Variants in BCL2L11 observed in about 807,000 individuals in gnomAD.
The protein encoded by BCL2L11 is BCL2 like 11, also known as bcl-2-like protein 11.
Under a neutral mutation model 20.6 loss-of-function variants are expected in BCL2L11, and 15 were observed. The observed-to-expected ratio is 0.73, with a 90% CI of 0.49 to 1.12. BCL2L11 has a LOEUF of 1.12. Ranked by LOEUF, BCL2L11 falls within the 50% of genes most tolerant of loss-of-function variation. The pLI is 0.00. For missense variants in BCL2L11, 292 were observed against 260.9 expected (o/e 1.12, Z -0.82); for synonymous variants, 108 against 92.8 (o/e 1.16, Z -0.94).
At chr2:111,123,111 CTGA>C (rs1055156282) in intron 1 of BCL2L11, 1 of 980,754 alleles carries the variant, frequency 1.0e-6, no homozygotes. Context: ...GAAGTTCTGT[CTGA>C]TTCGGTGCGG....
In BCL2L11 at chr2:111,123,750, C is replaced by G. The variant is rs756367205; in HGVS notation, c.5C>G (p.Ala2Gly). The G allele has an allele frequency of 7.2e-7, 1 of 1,386,290 alleles. No homozygotes were observed. The highest frequency in any genetic ancestry group is 9.4e-7 in the Non-Finnish European group (1 of 1,063,078). 85.9% of individuals were successfully genotyped at this position (1,386,290 alleles called of 1,614,324 possible). The stretch of plus-strand genomic sequence containing the variant: ...ACTTGCAGAAAAAAAGACCAAATGG[C>G]AAAGCAACCTTCTGATGTAAGTTCT... Reference protein sequence around the residue: MAKQPSDVSSEC... With the variant: MGKQPSDVSSEC... The change falls in exon 2 of 4, where the codon GCA becomes GGA. Residue 2 changes from alanine to glycine, a missense_variant. Physicochemically the swap from Ala to Gly is moderately conservative, Grantham distance 60. Transcript: ENST00000393256.
rs1195836135 is a variant in BCL2L11, at chr2:111,123,833, C to T, written c.88C>T (p.Pro30Ser). Residue 30 changes from proline (P) to serine (S), a missense_variant, in exon 2 of 4, where the codon CCT (proline) becomes TCT (serine). By Grantham distance (74) the Pro-to-Ser change is moderately conservative. Transcript: ENST00000393256. ...TGCGGAGAGGCCTCCCCAGCTCAGACCTGGGGCCCCTACCTCCCTACAGAC... is the reference window on the plus strand; with the variant it reads ...TGCGGAGAGGCCTCCCCAGCTCAGATCTGGGGCCCCTACCTCCCTACAGAC... ...QPAERPPQLRPGAPTSLQTEP... is the reference protein window; with the variant it reads ...QPAERPPQLRSGAPTSLQTEP... 1.3e-6 allele frequency: 2 copies of T among 1,552,974 alleles called. No individual in the cohort carries two copies. Among genetic ancestry groups the T allele is most frequent in the Non-Finnish European group, 1.7e-6 (2 of 1,151,824 alleles).
At chr2:111,143,250 G>T (rs1464448049) in intron 2 of BCL2L11, among the ~76,000 whole-genome samples, 1 of 152,202 alleles carries the variant, frequency 6.6e-6, no homozygotes, top group African/African-American at 2.4e-5. Flanking sequence ...GCAGTATTCA[G>T]TGTCCCGTGT....
rs2078921842 is a variant in BCL2L11, at chr2:111,164,300, G to T, written c.*69G>T. ...GTTCAAACCAACAAGACCCAGCACC[G>T]CGGTCTCCTGGTGCCATTATTATGC... On this transcript the variant is annotated 3_prime_UTR_variant, in exon 4 of 4. Transcript: ENST00000393256. The T allele has an allele frequency of 1.6e-5, 19 of 1,172,148 alleles. No homozygotes were observed. In the South Asian group the frequency reaches 2.2e-4, roughly 14 times the overall value. The allele number at this position is 1,172,148 out of a possible 1,614,324, so 72.6% of individuals were successfully genotyped here. A position where few individuals can be genotyped will look rare whatever the true frequency, so the allele number is the denominator to read the frequency against.
chr2:111,149,969 G>T, intron 2 of BCL2L11, 75 bp from the exon 3 acceptor site: 1 of 1,337,728 alleles, frequency 7.5e-7, no homozygotes. Context: ...CTTGCCTCTA[G>T]AGACTTATCT....
rs767436507 is a variant in BCL2L11, at chr2:111,123,838, G to A, written c.93G>A (p.Gly31=). ...PAERPPQLRP[G]APTSLQTEPQ... The stretch of plus-strand genomic sequence containing the variant: ...AGAGGCCTCCCCAGCTCAGACCTGG[G>A]GCCCCTACCTCCCTACAGACAGAGC... Residue 31 remains glycine, a synonymous_variant, in exon 2 of 4, where the codon GGG becomes GGA. Coordinates refer to ENST00000393256, the MANE Select transcript of BCL2L11 (RefSeq NM_138621.5). 6.4e-7 allele frequency: 1 copy of A among 1,557,604 alleles called. No homozygotes were observed. Among genetic ancestry groups the A allele is most frequent in the South Asian group, 1.2e-5 (1 of 81,504 alleles).
chr2:111,138,496 G>A (rs13001542), intron 2 of BCL2L11, among the ~76,000 whole-genome samples: 2 of 152,326 alleles, frequency 1.3e-5, no homozygotes, highest in East Asian at 1.9e-4. Context: ...GTGTGATTCA[G>A]TGTTAACCGT....
Position 111,164,904 on chromosome 2 carries a change from C to T in BCL2L11, c.*673C>T, listed in dbSNP as rs2078954881. 1 of 152,328 alleles carries T rather than the reference C, an allele frequency of 6.6e-6. No homozygotes were observed. The highest frequency in any genetic ancestry group is 1.9e-4 in the East Asian group (1 of 5,198). 9.4% of individuals were successfully genotyped at this position (152,328 alleles called of 1,614,324 possible). On this transcript the variant is annotated 3_prime_UTR_variant, in exon 4 of 4. Transcript: ENST00000393256. ...GTCCCATTTGTAAATATTTACGTACCTTTATAAATTCAGTTGCATCTGTGG... is the reference window on the plus strand; with the variant it reads ...GTCCCATTTGTAAATATTTACGTACTTTTATAAATTCAGTTGCATCTGTGG...
intron 2 of BCL2L11, among the ~76,000 whole-genome samples, chr2:111,130,562 A>T: frequency 6.6e-6 from 1 of 152,138 alleles, no homozygotes. Flanking sequence ...GCAAATAGGG[A>T]CAGTTTTATG....
chr2:111,129,781 C>T (rs1194824698), intron 2 of BCL2L11, among the ~76,000 whole-genome samples: 1 of 152,242 alleles, frequency 6.6e-6, no homozygotes, highest in African/African-American at 2.4e-5. Flanking sequence ...CTTTCTGTCT[C>T]TTCCTTACCC....
chr2:111,164,322 A>G lies in BCL2L11; in HGVS notation c.*91A>G. On this transcript the variant is annotated 3_prime_UTR_variant, in exon 4 of 4. Transcript: ENST00000393256. ...ACCGCGGTCTCCTGGTGCCATTATT[A>G]TGCAGCCAGCGGTTCTCTTGTGGAG... The G allele has an allele frequency of 7.4e-6, 7 of 951,296 alleles. No individual in the cohort carries two copies. The highest frequency in any genetic ancestry group is 1.0e-5 in the Non-Finnish European group (6 of 581,558). 58.9% of individuals were successfully genotyped at this position (951,296 alleles called of 1,614,324 possible). A position where few individuals can be genotyped will look rare whatever the true frequency, so the allele number is the denominator to read the frequency against.
In BCL2L11 at chr2:111,142,236, C is replaced by T. The variant is rs553896345; in HGVS notation, c.395-7808C>T. On this transcript the variant is annotated intron_variant, in intron 2 of 3. Coordinates refer to ENST00000393256, the MANE Select transcript of BCL2L11 (RefSeq NM_138621.5). Reference sequence around the variant, plus strand: ...TGAAGACTCTACCTCCTGTTCTTTTCCTTCTGTGACAAAACAAGTTATCTG... The same window carrying T: ...TGAAGACTCTACCTCCTGTTCTTTTTCTTCTGTGACAAAACAAGTTATCTG... The T allele has an allele frequency of 6.3e-6, 8 of 1,267,912 alleles. No homozygotes were observed. In the South Asian group the frequency reaches 7.7e-5, roughly 12 times the overall value. 78.5% of individuals were successfully genotyped at this position (1,267,912 alleles called of 1,614,324 possible).
intron 3 of BCL2L11, among the ~76,000 whole-genome samples, chr2:111,150,912 G>T (rs112705902): frequency 6.5e-5 from 8 of 123,266 alleles, no homozygotes; most frequent in South Asian, 2.3e-4. Context: ...GTTTGTGTGT[G>T]TGTTTGTTTT....
Position 111,167,033 on chromosome 2 carries a change from AT to A in BCL2L11, c.*2804del, listed in dbSNP as rs1381124674. Reference sequence around the variant, plus strand: ...AAATCAAGGATTGTAAATATTGTAGATTCTTTTTCTGTGTGATGTGTCCTAC... The same window carrying A: ...AAATCAAGGATTGTAAATATTGTAGATCTTTTTCTGTGTGATGTGTCCTAC... On this transcript the variant is annotated 3_prime_UTR_variant, in exon 4 of 4. Coordinates refer to ENST00000393256, the MANE Select transcript of BCL2L11 (RefSeq NM_138621.5). 1.3e-5 allele frequency: 2 copies of A among 152,618 alleles called. No individual in the cohort carries two copies. The highest frequency in any genetic ancestry group is 2.9e-5 in the Non-Finnish European group (2 of 68,028). The allele number at this position is 152,618 out of a possible 1,614,324, so 9.5% of individuals were successfully genotyped here.
Position 111,150,134 on chromosome 2 carries a change from A to G in BCL2L11, c.485A>G (p.Tyr162Cys), listed in dbSNP as rs750411711. The G allele has an allele frequency of 6.2e-6, 10 of 1,613,770 alleles. No individual in the cohort carries two copies. The highest frequency in any genetic ancestry group is 1.7e-4 in the Middle Eastern group (1 of 6,060). ...CGTATTGGAGACGAGTTTAACGCTT[A>G]CTATGCAAGGAGGGTAATGATGTTT... The part of the protein sequence containing the change: ...LRRIGDEFNA[Y>C]YARRVFLNNY... Residue 162 changes from tyrosine (Y) to cysteine (C), a missense_variant, in exon 3 of 4, where the codon TAC becomes TGC. Tyr to Cys is a radical substitution (Grantham distance 194). Transcript: ENST00000393256.
At chr2:111,159,430 C>A (rs1207934660) in intron 3 of BCL2L11, among the ~76,000 whole-genome samples, 1 of 152,176 alleles carries the variant, frequency 6.6e-6, no homozygotes, top group Non-Finnish European at 1.5e-5. Flanking sequence ...TTCTTCCATC[C>A]CCAAGCTTGG....
chr2:111,148,136 G>A (rs1437369131), intron 2 of BCL2L11, among the ~76,000 whole-genome samples: 1 of 152,138 alleles, frequency 6.6e-6, no homozygotes. Flanking sequence ...CTGACTCCGG[G>A]GCTGAAGGCA....
At chr2:111,144,979 T>C (rs2076312655) in intron 2 of BCL2L11, among the ~76,000 whole-genome samples, 1 of 152,240 alleles carries the variant, frequency 6.6e-6, no homozygotes, top group African/African-American at 2.4e-5. Context: ...AAGTATGTTC[T>C]ATTATGTGTG....
intron 1 of BCL2L11, chr2:111,122,950 A>AG (rs2071478784): frequency 2.0e-6 from 2 of 984,998 alleles, no homozygotes; most frequent in East Asian, 2.3e-4. Flanking sequence ...TTGCCTTCTG[A>AG]GGGGAGGGTC....
Sources: gnomAD v4.1 joint callset for allele counts (sites outside exome capture counted in the v4.1 genomes callset) on GRCh38, gnomAD v4.1.1 for gene constraint, MANE v1.5 for transcripts, NCBI Gene and HGNC (gene_info 2026-07-23, HGNC 2026-07-21) for gene names.